Variants in COLEC12 observed in about 807,000 individuals in gnomAD.
COLEC12 encodes collectin-12.
Under a neutral mutation model 71.1 loss-of-function variants are expected in COLEC12, and 33 were observed. That is an observed-to-expected ratio of 0.46 (90% CI 0.35 to 0.62). The LOEUF (loss-of-function observed/expected upper bound fraction) is 0.62, where lower values mean the gene tolerates loss of function less well. Among genes scored for constraint, COLEC12 ranks in the 20% least tolerant of loss-of-function variants. The pLI is 0.00. For missense variants in COLEC12, 765 were observed against 916.1 expected (o/e 0.84, Z 2.13); for synonymous variants, 350 against 353.0 (o/e 0.99, Z 0.10).
intron 2 of COLEC12, among the ~76,000 whole-genome samples, chr18:459,813 T>C (rs1225660593): frequency 6.6e-6 from 1 of 152,218 alleles, no homozygotes; most frequent in Non-Finnish European, 1.5e-5. Flanking sequence ...TGATTGCTCA[T>C]ACGGTTAACC....
chr18:493,451 G>A (rs1163165913), intron 1 of COLEC12, among the ~76,000 whole-genome samples: 8 of 152,160 alleles, frequency 5.3e-5, no homozygotes, highest in Admixed American at 3.9e-4. Flanking sequence ...GAAATATAAT[G>A]TAATCTGAAA....
intron 1 of COLEC12, among the ~76,000 whole-genome samples, chr18:497,397 T>TGTGTGC (rs1917733533): frequency 1.0e-5 from 1 of 100,482 alleles, no homozygotes; most frequent in South Asian, 3.2e-4. Flanking sequence ...TGTGTGTGTG[T>TGTGTGC]GTGTGTGTGT....
At chr18:431,910 A>G (rs1916311944) in intron 2 of COLEC12, among the ~76,000 whole-genome samples, 1 of 152,208 alleles carries the variant, frequency 6.6e-6, no homozygotes, top group Admixed American at 6.5e-5. Context: ...TATCTCCCCT[A>G]ACTCTTACAA....
intron 2 of COLEC12, among the ~76,000 whole-genome samples, chr18:476,015 G>C (rs1489844367): frequency 6.6e-6 from 1 of 152,176 alleles, no homozygotes; most frequent in African/African-American, 2.4e-5. Context: ...GGAAAGAAAG[G>C]GGAAAGTTAA....
chr18:393,412 C>A (rs1336451915), intron 2 of COLEC12, among the ~76,000 whole-genome samples: 4 of 95,662 alleles, frequency 4.2e-5, no homozygotes, highest in Non-Finnish European at 8.1e-5. Flanking sequence ...CTCGGAGGCA[C>A]AGCAAATTTC....
At chr18:421,809 AT>A (rs1175141973) in intron 2 of COLEC12, among the ~76,000 whole-genome samples, 1 of 152,220 alleles carries the variant, frequency 6.6e-6, no homozygotes, top group Non-Finnish European at 1.5e-5. Flanking sequence ...CCATTCAAGC[AT>A]TTTAAAATAT....
chr18:453,694 C>A (rs1341705610), intron 2 of COLEC12, among the ~76,000 whole-genome samples: 1 of 152,234 alleles, frequency 6.6e-6, no homozygotes. Flanking sequence ...TGTGCAGCCA[C>A]AACTTCTCGA....
intron 8 of COLEC12, among the ~76,000 whole-genome samples, chr18:326,778 C>T (rs967424002): frequency 3.3e-5 from 5 of 152,162 alleles, no homozygotes; most frequent in African/African-American, 1.2e-4. Flanking sequence ...AAACATCCCA[C>T]AAATATCAAT....
At chr18:485,654 G>C (rs1917505432) in intron 1 of COLEC12, among the ~76,000 whole-genome samples, 1 of 152,240 alleles carries the variant, frequency 6.6e-6, no homozygotes, top group Non-Finnish European at 1.5e-5. Flanking sequence ...ATGTTGAACA[G>C]AATTTGGCTG....
chr18:347,391 C>G, intron 4 of COLEC12, 50 bp from the exon 5 acceptor site: 1 of 1,484,834 alleles, frequency 6.7e-7, no homozygotes, highest in Middle Eastern at 1.8e-4. Context: ...GAGAAGTGTT[C>G]AGGCAAGGCC....
At chr18:415,215 G>A (rs150212268) in intron 2 of COLEC12, among the ~76,000 whole-genome samples, 50 of 152,288 alleles carry the variant, frequency 3.3e-4, no homozygotes, top group Middle Eastern at 3.4e-3. Context: ...AATTAATGCC[G>A]TTTCCATTTT....
chr18:394,453 T>A (rs944201243), intron 2 of COLEC12, among the ~76,000 whole-genome samples: 1 of 152,226 alleles, frequency 6.6e-6, no homozygotes, highest in Non-Finnish European at 1.5e-5. Flanking sequence ...AAAATATCCA[T>A]TGGGTGATGT....
In COLEC12 at chr18:362,454, C is replaced by A. The variant is rs754788829; in HGVS notation, c.59-4932G>T. 6.6e-6 allele frequency among the ~76,000 whole-genome samples: 1 copy of A among 152,148 alleles called. No individual in the cohort carries two copies. The highest frequency in any genetic ancestry group is 1.5e-5 in the Non-Finnish European group (1 of 68,034). ...CCTGCTGGCTCCTGTAGCTGGGGCA[C>A]CCCCTCCTCCTTGAACCTAGATGGT... On this transcript the variant is annotated intron_variant, in intron 2 of 9. Transcript: ENST00000400256. This position sits in a 1 kb window ranked among gnomAD's most constrained non-coding sequence, Gnocchi z 4.6.
chr18:430,678 C>T (rs1916286101), intron 2 of COLEC12, among the ~76,000 whole-genome samples: 1 of 152,136 alleles, frequency 6.6e-6, no homozygotes, highest in African/African-American at 2.4e-5. Context: ...TATTTTCAAC[C>T]TACTTTTCTT....
intron 2 of COLEC12, among the ~76,000 whole-genome samples, chr18:360,917 G>C (rs916434622): frequency 1.3e-5 from 2 of 151,818 alleles, no homozygotes; most frequent in African/African-American, 4.8e-5. Context: ...TCTCAGCACC[G>C]TCTCTTATGT....
intron 2 of COLEC12, among the ~76,000 whole-genome samples, chr18:394,141 T>C (rs4798128): frequency 0.084 from 12,784 of 152,274 alleles, 674 homozygotes; most frequent in Admixed American, 0.15. Context: ...AGCTTGTCCA[T>C]TGATGAGGCC....
chr18:316,804 T>C lies in COLEC12; in HGVS notation c.*3241A>G, dbSNP rs995910491. The C allele has an allele frequency of 6.6e-6, 1 of 152,174 alleles. No individual in the cohort carries two copies. Among genetic ancestry groups the C allele is most frequent in the African/African-American group, 2.4e-5 (1 of 41,432 alleles). The allele number at this position is 152,174 out of a possible 1,614,324, so 9.4% of individuals were successfully genotyped here. A position where few individuals can be genotyped will look rare whatever the true frequency, so the allele number is the denominator to read the frequency against. On this transcript the variant is annotated 3_prime_UTR_variant, in exon 10 of 10. Transcript: ENST00000400256. ...TGCATTCATTCTTTCAAAAGCTGTT[T>C]AGAGGAAAAAACATTTTCTATCTTC... is the stretch of plus-strand genomic sequence containing the variant.
intron 3 of COLEC12, among the ~76,000 whole-genome samples, chr18:348,932 T>C (rs910927559): frequency 3.3e-5 from 5 of 152,196 alleles, no homozygotes; most frequent in Non-Finnish European, 5.9e-5. Context: ...CCATGTGTTG[T>C]GGGAGGGACT....
intron 6 of COLEC12, chr18:333,411 C>T (rs1914029588): frequency 3.4e-6 from 1 of 295,810 alleles, no homozygotes; most frequent in Non-Finnish European, 6.2e-6. Context: ...TTCACAATGA[C>T]AGAAATAACA....
Sources: gnomAD v4.1 joint callset for allele counts (sites outside exome capture counted in the v4.1 genomes callset) on GRCh38, gnomAD v4.1.1 for gene constraint, Gnocchi (gnomAD v3.1) non-coding constraint, MANE v1.5 for transcripts, NCBI Gene and HGNC (gene_info 2026-07-23, HGNC 2026-07-21) for gene names.